Variants in EXOC5 observed in about 807,000 individuals in gnomAD.
The protein encoded by EXOC5 is SEC10-like 1.
EXOC5 carries 17 observed loss-of-function variants against 90.8 expected under a neutral mutation model. That is an observed-to-expected ratio of 0.19 (90% CI 0.13 to 0.28). EXOC5 has a LOEUF of 0.28. Among genes scored for constraint, EXOC5 ranks in the 10% least tolerant of loss-of-function variants. The pLI, the probability that EXOC5 is intolerant of heterozygous loss-of-function variation, is 1.00. For missense variants in EXOC5, 569 were observed against 830.6 expected (o/e 0.69, Z 3.87); for synonymous variants, 260 against 270.0 (o/e 0.96, Z 0.36).
rs1322794815 is a variant in EXOC5 at position 57,201,293 on chromosome 14, G to A, written c.*7316C>T. ...ATGGGAACATGCCAAAACGACACAGGAGACAACCTGAAGAGGCTACTTCTG... is the reference window on the plus strand; with the variant it reads ...ATGGGAACATGCCAAAACGACACAGAAGACAACCTGAAGAGGCTACTTCTG... On this transcript the variant is annotated 3_prime_UTR_variant, in exon 18 of 18. Coordinates refer to ENST00000621441, the MANE Select transcript of EXOC5 (RefSeq NM_006544.4). The A allele has an allele frequency of 6.6e-6, 1 of 151,794 alleles. No homozygotes were observed. The highest frequency in any genetic ancestry group is 6.6e-5 in the Admixed American group (1 of 15,212). The allele number at this position is 151,794 out of a possible 1,614,324, so 9.4% of individuals were successfully genotyped here.
Position 57,222,368 on chromosome 14 carries a change from T to A in EXOC5, c.1345A>T (p.Ile449Phe). The A allele has an allele frequency of 6.2e-7, 1 of 1,603,314 alleles. No homozygotes were observed. Among genetic ancestry groups the A allele is most frequent in the Non-Finnish European group, 8.5e-7 (1 of 1,173,776 alleles). Residue 449 changes from isoleucine to phenylalanine, a missense_variant, in exon 13 of 18, where the codon ATT becomes TTT. Around this residue, in one of 9 missense-constraint regions of EXOC5, gnomAD observed 56 missense variants for 51.1 expected, o/e 1.10. Transcript: ENST00000621441. ...LPRNAFRIFTILVEFLCIEHI... is the reference protein window; with the variant it reads ...LPRNAFRIFTFLVEFLCIEHI... ...TCAATACATAAAAATTCCACAAGAA[T>A]GGTAAAAATTCTGAAGGCATTCCTT... is the stretch of plus-strand genomic sequence containing the variant.
intron 3 of EXOC5, among the ~76,000 whole-genome samples, 189 bp from the exon 4 acceptor site, chr14:57,244,548 T>G (rs890322832): frequency 2.0e-5 from 3 of 152,114 alleles, no homozygotes; most frequent in Non-Finnish European, 4.4e-5. Context: ...TACCATTAAC[T>G]ATTAAAATAA....
At chr14:57,245,742 A>G (rs1052424019) in intron 3 of EXOC5, among the ~76,000 whole-genome samples, 1 of 152,142 alleles carries the variant, frequency 6.6e-6, no homozygotes, top group African/African-American at 2.4e-5. Context: ...AAGCTAAACA[A>G]TATTCCAAAC....
chr14:57,230,547 T>A lies in EXOC5; in HGVS notation c.1149-666A>T, dbSNP rs77643434. On this transcript the variant is annotated intron_variant, in intron 11 of 17. Coordinates refer to ENST00000621441, the MANE Select transcript of EXOC5 (RefSeq NM_006544.4). ...TACTACTAATTTTAACTCTCTCTAA[T>A]CATTATTTAATACACAACAAAATGG... is the stretch of plus-strand genomic sequence containing the variant. Among the ~76,000 whole-genome samples, 1,159 of 152,252 alleles carry A rather than the reference T, an allele frequency of 7.6e-3. 20 individuals carry two copies. The highest frequency in any genetic ancestry group is 0.026 in the African/African-American group (1,100 of 41,536).
chr14:57,237,384 AC>A lies in EXOC5; in HGVS notation c.531-19del. On this transcript the variant is annotated intron_variant, in intron 5 of 17. Coordinates refer to ENST00000621441, the MANE Select transcript of EXOC5 (RefSeq NM_006544.4). ...CTGAAAATCTGAAAGACAAAAACCA[AC>A]CATGAGGTTTGTTAGTTGTGATAAA... is the stretch of plus-strand genomic sequence containing the variant. 1 of 1,518,084 alleles carries A rather than the reference AC, an allele frequency of 6.6e-7. No homozygotes were observed. Among genetic ancestry groups the A allele is most frequent in the Non-Finnish European group, 8.9e-7 (1 of 1,117,700 alleles). The allele number at this position is 1,518,084 out of a possible 1,614,324, so 94.0% of individuals were successfully genotyped here. A position where few individuals can be genotyped will look rare whatever the true frequency, so the allele number is the denominator to read the frequency against.
chr14:57,247,578 C>T (rs1345463644), intron 2 of EXOC5, 40 bp downstream of exon 2: 1 of 884,486 alleles, frequency 1.1e-6, no homozygotes, highest in Non-Finnish European at 1.8e-6. Flanking sequence ...CTAATGTGTA[C>T]CAGATTAGAT....
chr14:57,223,259 T>C (rs758633429), intron 12 of EXOC5, among the ~76,000 whole-genome samples: 26 of 152,116 alleles, frequency 1.7e-4, no homozygotes, highest in Non-Finnish European at 1.2e-4. Flanking sequence ...GAAAATAAAA[T>C]CCTTTTTTAA....
intron 15 of EXOC5, among the ~76,000 whole-genome samples, chr14:57,217,670 A>G (rs1883013899): frequency 2.6e-5 from 4 of 152,102 alleles, no homozygotes; most frequent in Admixed American, 1.3e-4. Flanking sequence ...ACAATCAATA[A>G]TCCTACAATG....
chr14:57,222,415 A>G lies in EXOC5; in HGVS notation c.1298T>C (p.Leu433Pro). 1 of 1,570,170 alleles carries G rather than the reference A, an allele frequency of 6.4e-7. No individual in the cohort carries two copies. The highest frequency in any genetic ancestry group is 8.7e-7 in the Non-Finnish European group (1 of 1,152,370). The change falls in exon 13 of 18, where the codon CTC becomes CCC. Residue 433 changes from leucine (L) to proline (P), a missense_variant and splice_region_variant. Physicochemically the swap from Leu to Pro is moderately conservative, Grantham distance 98. Coordinates refer to ENST00000621441, the MANE Select transcript of EXOC5 (RefSeq NM_006544.4). ...TKQAFERCHR[L>P]SDPSDLPRNA... The stretch of plus-strand genomic sequence containing the variant: ...CCTTGGTAAGTCAGAAGGATCAGAG[A>G]GCTTAAAAACAAAAATCAAACAATA...
At chr14:57,220,843 T>G (rs1009171377) in intron 13 of EXOC5, among the ~76,000 whole-genome samples, 3 of 152,052 alleles carry the variant, frequency 2.0e-5, no homozygotes, top group Admixed American at 6.6e-5. Context: ...TTATTATATA[T>G]ACACACTTTT....
intron 1 of EXOC5, among the ~76,000 whole-genome samples, chr14:57,254,301 G>C (rs965367085): frequency 6.6e-6 from 1 of 152,086 alleles, no homozygotes; most frequent in Non-Finnish European, 1.5e-5. Context: ...TCGGTGTGGT[G>C]GCGAGTGCCT....
chr14:57,238,565 GA>G (rs1883754217), intron 5 of EXOC5, among the ~76,000 whole-genome samples: 1 of 151,664 alleles, frequency 6.6e-6, no homozygotes, highest in African/African-American at 2.4e-5. Flanking sequence ...ATTCTGAAAT[GA>G]CATAAAGTTA....
At chr14:57,232,564 A>T (rs1883518754) in intron 10 of EXOC5, 103 bp downstream of exon 10, 2 of 556,740 alleles carry the variant, frequency 3.6e-6, no homozygotes, top group South Asian at 5.7e-5. Flanking sequence ...TAAAAGGTAA[A>T]CTGGTGACAA....
At chr14:57,263,053 T>G (rs1269660659) in intron 1 of EXOC5, among the ~76,000 whole-genome samples, 1 of 152,146 alleles carries the variant, frequency 6.6e-6, no homozygotes, top group African/African-American at 2.4e-5. Context: ...TTTTCCCAGC[T>G]AACAATTTCT....
intron 1 of EXOC5, among the ~76,000 whole-genome samples, chr14:57,267,862 A>G (rs1884728752): frequency 6.6e-6 from 1 of 152,224 alleles, no homozygotes; most frequent in South Asian, 2.1e-4. Flanking sequence ...TAATACATGT[A>G]AATGCATATA....
intron 1 of EXOC5, among the ~76,000 whole-genome samples, chr14:57,253,338 G>A (rs1410640992): frequency 6.6e-6 from 1 of 152,084 alleles, no homozygotes; most frequent in Non-Finnish European, 1.5e-5. Context: ...TAACAAAGGA[G>A]GCTAAAGACT....
chr14:57,231,852 T>G (rs1310485174), intron 10 of EXOC5, 137 bp from the exon 11 acceptor site: 1 of 606,788 alleles, frequency 1.6e-6, no homozygotes, highest in African/African-American at 1.9e-5. Flanking sequence ...GGAGAGTACT[T>G]ATGATGCAGA....
In EXOC5 at chr14:57,202,040, G is replaced by A. The variant is rs1882524085; in HGVS notation, c.*6569C>T. The A allele has an allele frequency of 6.6e-6, 1 of 152,060 alleles. No individual in the cohort carries two copies. Among genetic ancestry groups the A allele is most frequent in the Non-Finnish European group, 1.5e-5 (1 of 68,022 alleles). 9.4% of individuals were successfully genotyped at this position (152,060 alleles called of 1,614,324 possible). On this transcript the variant is annotated 3_prime_UTR_variant, in exon 18 of 18. Transcript: ENST00000621441. ...GATAAAAATGAACATCATCAGAAAT[G>A]GGGCAAATTGAAATTGTGTACTATG...
At chr14:57,228,535 T>C (rs748754163) in intron 12 of EXOC5, among the ~76,000 whole-genome samples, 3 of 152,082 alleles carry the variant, frequency 2.0e-5, no homozygotes, top group Non-Finnish European at 4.4e-5. Context: ...TCAAAAAGGA[T>C]GAGTTCATGT....
Sources: gnomAD v4.1 joint callset for allele counts (sites outside exome capture counted in the v4.1 genomes callset) on GRCh38, gnomAD v4.1.1 for gene constraint, gnomAD v4.1.1 regional missense constraint, MANE v1.5 for transcripts, NCBI Gene and HGNC (gene_info 2026-07-23, HGNC 2026-07-21) for gene names.